PRDM16: variants seen among roughly 807,000 people sequenced by gnomAD.
The protein encoded by PRDM16 is PR/SET domain 16, also known as histone-lysine N-methyltransferase PRDM16.
Under a neutral mutation model 110.6 loss-of-function variants are expected in PRDM16, and 23 were observed. That is an observed-to-expected ratio of 0.21 (90% CI 0.15 to 0.29). PRDM16 has a LOEUF of 0.29. Among genes scored for constraint, PRDM16 ranks in the 10% least tolerant of loss-of-function variants. PRDM16 has a pLI of 1.00. For missense variants in PRDM16, 1,615 were observed against 1,794.3 expected (o/e 0.90, Z 1.81); for synonymous variants, 799 against 781.8 (o/e 1.02, Z -0.37).
At chr1:3,078,832 T>C (rs982166690) in intron 1 of PRDM16, among the ~76,000 whole-genome samples, 1 of 152,208 alleles carries the variant, frequency 6.6e-6, no homozygotes, top group African/African-American at 2.4e-5. Flanking sequence ...CAACTATGGA[T>C]TTCCATAATA....
intron 1 of PRDM16, among the ~76,000 whole-genome samples, chr1:3,123,226 G>A (rs1643133350): frequency 6.6e-6 from 1 of 152,238 alleles, no homozygotes; most frequent in Non-Finnish European, 1.5e-5. Flanking sequence ...GCTGCAGGAT[G>A]CCTTGGTATC....
At chr1:3,225,396 T>G (rs1639262448) in intron 2 of PRDM16, among the ~76,000 whole-genome samples, 1 of 152,098 alleles carries the variant, frequency 6.6e-6, no homozygotes, top group African/African-American at 2.4e-5. Context: ...CTGCCCTACC[T>G]TTAGTGCGTG....
chr1:3,394,442 G>GC (rs769236534), intron 4 of PRDM16: 3 of 434,366 alleles, frequency 6.9e-6, no homozygotes, highest in South Asian at 4.7e-5. Flanking sequence ...GCGGGAGGAT[G>GC]CCCGAGGTCT....
intron 4 of PRDM16, among the ~76,000 whole-genome samples, chr1:3,393,268 G>A (rs1557649774): frequency 6.6e-6 from 1 of 152,224 alleles, no homozygotes; most frequent in Non-Finnish European, 1.5e-5. Flanking sequence ...AGATGCTGTC[G>A]CTTAAGCAAA....
chr1:3,326,043 TCGGCCCTCTTGGCCCCCCTTGGC>T (rs1254792019), intron 3 of PRDM16, among the ~76,000 whole-genome samples: 6 of 61,904 alleles, frequency 9.7e-5, no homozygotes, highest in African/African-American at 1.9e-4. Context: ...TTGGCCATCC[TCGGCCCTCTTGGCCCCCCTTGGC>T]CATCCTCGAC....
At chr1:3,432,722 G>A (rs184338743) in intron 16 of PRDM16, among the ~76,000 whole-genome samples, 6 of 152,286 alleles carry the variant, frequency 3.9e-5, no homozygotes, top group Non-Finnish European at 5.9e-5. Flanking sequence ...GAACAGGCCC[G>A]CCCCAGGTCT....
chr1:3,324,166 G>A (rs527446531), intron 3 of PRDM16, among the ~76,000 whole-genome samples: 6 of 152,068 alleles, frequency 3.9e-5, no homozygotes, highest in East Asian at 3.9e-4. Flanking sequence ...AGGGGTCTCC[G>A]TCTCTCCCTC....
At chr1:3,421,042 G>A (rs946688946) in intron 12 of PRDM16, among the ~76,000 whole-genome samples, 23 of 152,350 alleles carry the variant, frequency 1.5e-4, no homozygotes, top group African/African-American at 4.6e-4. Context: ...AAGCTGGAGC[G>A]TGCAAGGGAG....
chr1:3,433,515 CG>C (rs1638825916), intron 16 of PRDM16, among the ~76,000 whole-genome samples, 161 bp from the exon 17 acceptor site: 7 of 145,360 alleles, frequency 4.8e-5, no homozygotes, highest in Admixed American at 4.5e-4. Context: ...CCTGCCCACG[CG>C]CTCACCTGCC....
At position 3,382,084 on chromosome 1, in the gene PRDM16, T is replaced by G. The variant is rs756109524; in HGVS notation, c.439-3068T>G. ...TGGCTTGGCGGGCCTTTCCAGCGGTTTCCTGCTGCGCATCAGCAGTCAGGG... is the reference window on the plus strand; with the variant it reads ...TGGCTTGGCGGGCCTTTCCAGCGGTGTCCTGCTGCGCATCAGCAGTCAGGG... On this transcript the variant is annotated intron_variant, in intron 3 of 16. Transcript: ENST00000270722. This position sits in a 1 kb window ranked among gnomAD's most constrained non-coding sequence, Gnocchi z 6.6. 5.3e-5 allele frequency among the ~76,000 whole-genome samples: 8 copies of G among 152,228 alleles called. No individual in the cohort carries two copies. The highest frequency in any genetic ancestry group is 8.8e-5 in the Non-Finnish European group (6 of 68,034).
intron 3 of PRDM16, among the ~76,000 whole-genome samples, chr1:3,258,618 A>G (rs1446078850): frequency 6.6e-6 from 1 of 152,270 alleles, no homozygotes; most frequent in African/African-American, 2.4e-5. Flanking sequence ...AGCAACGGCC[A>G]AGACTCAGAT....
intron 12 of PRDM16, among the ~76,000 whole-genome samples, chr1:3,422,142 C>T (rs943914139): frequency 6.9e-6 from 1 of 144,772 alleles, no homozygotes; most frequent in Non-Finnish European, 1.5e-5. Context: ...GGCAGACAGG[C>T]AGACAGACAG....
chr1:3,112,709 G>A (rs2100642843), intron 1 of PRDM16, among the ~76,000 whole-genome samples: 1 of 152,360 alleles, frequency 6.6e-6, no homozygotes, highest in East Asian at 1.9e-4. Context: ...ACCCCCTGCA[G>A]CCGGGCAGCT....
chr1:3,422,962 C>T (rs991949027), intron 12 of PRDM16, among the ~76,000 whole-genome samples: 5 of 152,226 alleles, frequency 3.3e-5, no homozygotes, highest in African/African-American at 1.2e-4. Flanking sequence ...GGATCAGGAG[C>T]AGAGAAGGCT....
At chr1:3,072,176 G>C (rs1570194993) in intron 1 of PRDM16, among the ~76,000 whole-genome samples, 1 of 152,194 alleles carries the variant, frequency 6.6e-6, no homozygotes, top group Non-Finnish European at 1.5e-5. Flanking sequence ...GGTAGGGGCT[G>C]CTGCAGCCCC....
intron 3 of PRDM16, among the ~76,000 whole-genome samples, chr1:3,310,484 G>A (rs1283940598): frequency 6.6e-6 from 1 of 152,158 alleles, no homozygotes; most frequent in African/African-American, 2.4e-5. Context: ...CAACCCACAG[G>A]GGCCCTCGGA....
At position 3,411,576 on chromosome 1, in the gene PRDM16, G is replaced by A. The variant is rs1038838939; in HGVS notation, c.1379G>A (p.Gly460Asp). ...HYTPGGIFAP[G>D]LPLTPSPMMD... ...ACGCCGGGCGGCATCTTTGCCCCGG[G>A]CCTGCCCTTGACCCCCAGCCCCATG... The change falls in exon 9 of 17, where the codon GGC (glycine) becomes GAC (aspartate). Residue 460 changes from glycine to aspartate, a missense_variant. This residue lies in a region of PRDM16 where 772 missense variants were observed against 748.3 expected (regional missense o/e 1.03). Coordinates refer to ENST00000270722, the MANE Select transcript of PRDM16 (RefSeq NM_022114.4). 4 of 1,613,906 alleles carry A rather than the reference G, an allele frequency of 2.5e-6. No individual in the cohort carries two copies. Among genetic ancestry groups the A allele is most frequent in the Non-Finnish European group, 3.4e-6 (4 of 1,180,022 alleles).
intron 1 of PRDM16, among the ~76,000 whole-genome samples, chr1:3,145,775 G>T (rs1222262084): frequency 2.0e-5 from 3 of 152,190 alleles, no homozygotes; most frequent in Admixed American, 2.0e-4. Flanking sequence ...CCTGCCCACC[G>T]AGGCTCCCGA....
rs533105248 is a variant in PRDM16 at position 3,196,984 on chromosome 1, C to T, written c.387+10510C>T. 1.2e-3 allele frequency among the ~76,000 whole-genome samples: 184 copies of T among 152,296 alleles called. 1 individual carries two copies. Among genetic ancestry groups the T allele is most frequent in the Admixed American group, 8.3e-3 (127 of 15,310 alleles). On this transcript the variant is annotated intron_variant, in intron 2 of 16. Coordinates refer to ENST00000270722, the MANE Select transcript of PRDM16 (RefSeq NM_022114.4). ...CCACTGTTGCCCAGGGGGGTCTGTG[C>T]AGCCGCTGAGGCTGGGGGGTGAGCT...
Sources: allele counts gnomAD v4.1 joint callset (sites outside exome capture counted in the v4.1 genomes callset), GRCh38; gene constraint gnomAD v4.1.1; regional missense constraint gnomAD v4.1.1; non-coding constraint Gnocchi (gnomAD v3.1); transcripts MANE v1.5; gene names NCBI Gene and HGNC (gene_info 2026-07-23, HGNC 2026-07-21).